The following ERBB4 variants were observed in gnomAD, a reference collection of about 807,000 sequenced individuals.
The protein encoded by ERBB4 is erb-b2 receptor tyrosine kinase 4, also known as receptor tyrosine-protein kinase erbB-4.
A neutral mutation model predicts 158.0 loss-of-function variants in ERBB4; 42 were observed. That is an observed-to-expected ratio of 0.27 (90% CI 0.21 to 0.34). The LOEUF is 0.34. ERBB4 is among the 10% of genes least tolerant of loss of function. The probability of loss-of-function intolerance (pLI) is 1.00; values close to 1 mark genes in which losing one functional copy is unlikely to be tolerated. For missense variants in ERBB4, 1,333 were observed against 1,624.1 expected, an observed-to-expected ratio of 0.82 and a Z score of 3.08; for synonymous variants, 583 against 558.7, an observed-to-expected ratio of 1.04 and a Z score of -0.61.
intron 20 of ERBB4, among the ~76,000 whole-genome samples, chr2:211,527,177 A>G (rs1312027382): frequency 6.6e-6 from 1 of 152,128 alleles, no homozygotes; most frequent in Non-Finnish European, 1.5e-5. Context: ...TTAAGGATAA[A>G]GAAATAATTC....
chr2:212,247,913 G>A (rs2084373175), intron 1 of ERBB4, among the ~76,000 whole-genome samples: 1 of 151,684 alleles, frequency 6.6e-6, no homozygotes, highest in African/African-American at 2.4e-5. Context: ...GCAGTGAGCC[G>A]AGATCACACC....
chr2:211,740,363 G>T (rs1319772102), intron 5 of ERBB4, among the ~76,000 whole-genome samples: 1 of 152,120 alleles, frequency 6.6e-6, no homozygotes, highest in African/African-American at 2.4e-5. Context: ...CATGGTAATG[G>T]AGAGATGCAG....
chr2:212,496,020 A>C (rs1486683704), intron 1 of ERBB4, among the ~76,000 whole-genome samples: 1 of 152,080 alleles, frequency 6.6e-6, no homozygotes, highest in Non-Finnish European at 1.5e-5. Flanking sequence ...TTTTTATCAA[A>C]TTTTCAAAGA....
chr2:212,009,641 A>G (rs1378084624), intron 2 of ERBB4, among the ~76,000 whole-genome samples: 1 of 152,206 alleles, frequency 6.6e-6, no homozygotes, highest in African/African-American at 2.4e-5. Flanking sequence ...GGAAGTTGAG[A>G]GTGAGAGAGT....
chr2:211,965,762 GC>G (rs1362227167), intron 2 of ERBB4, among the ~76,000 whole-genome samples: 1 of 152,006 alleles, frequency 6.6e-6, no homozygotes, highest in African/African-American at 2.4e-5. Flanking sequence ...AATTAAGAAG[GC>G]CATTGATTTC....
At chr2:211,776,463 C>T (rs1362904675) in intron 4 of ERBB4, among the ~76,000 whole-genome samples, 1 of 152,096 alleles carries the variant, frequency 6.6e-6, no homozygotes, top group Non-Finnish European at 1.5e-5. Flanking sequence ...TCCTTTTAAT[C>T]TGGGTGATCT....
At chr2:212,505,052 A>C (rs920738182) in intron 1 of ERBB4, among the ~76,000 whole-genome samples, 1 of 152,036 alleles carries the variant, frequency 6.6e-6, no homozygotes, top group African/African-American at 2.4e-5. Context: ...CAAATATACA[A>C]CTGTTTGTTT....
At chr2:211,552,584 C>T (rs1385182329) in intron 20 of ERBB4, among the ~76,000 whole-genome samples, 2 of 151,874 alleles carry the variant, frequency 1.3e-5, no homozygotes, top group African/African-American at 4.8e-5. Flanking sequence ...TGGAACCTTA[C>T]ATCTGAGTTT....
intron 2 of ERBB4, among the ~76,000 whole-genome samples, chr2:211,962,969 A>T (rs763429420): frequency 3.6e-4 from 55 of 152,168 alleles, no homozygotes; most frequent in Non-Finnish European, 6.6e-4. Context: ...TAATATCTGT[A>T]TATCTGTTAA....
intron 3 of ERBB4, among the ~76,000 whole-genome samples, chr2:211,935,001 C>G (rs570672587): frequency 6.8e-6 from 1 of 145,996 alleles, no homozygotes; most frequent in East Asian, 2.1e-4. Flanking sequence ...CCTGCTCATT[C>G]ACACATAGCA....
At chr2:212,354,661 C>A (rs1029553783) in intron 1 of ERBB4, among the ~76,000 whole-genome samples, 1 of 151,996 alleles carries the variant, frequency 6.6e-6, no homozygotes, top group African/African-American at 2.4e-5. Flanking sequence ...GTGAGGTGAG[C>A]TATTGTTCTT....
chr2:211,809,506 G>C (rs1211519797), intron 3 of ERBB4, among the ~76,000 whole-genome samples: 1 of 152,186 alleles, frequency 6.6e-6, no homozygotes, highest in Non-Finnish European at 1.5e-5. Flanking sequence ...TCTGATGGTA[G>C]TTTGTATTTC....
chr2:211,684,207 T>G (rs1016866512), intron 12 of ERBB4, among the ~76,000 whole-genome samples: 1 of 152,112 alleles, frequency 6.6e-6, no homozygotes, highest in African/African-American at 2.4e-5. Context: ...ATCCCAGCAT[T>G]TTGAGAGGCC....
In ERBB4 at chr2:211,679,160, T is replaced by G. The variant is rs759391678; in HGVS notation, c.1514A>C (p.His505Pro). 2 of 1,613,900 alleles carry G rather than the reference T, an allele frequency of 1.2e-6. No individual in the cohort carries two copies. Among genetic ancestry groups the G allele is most frequent in the East Asian group, 4.5e-5 (2 of 44,856 alleles). ...NCTAEGMVCNHLCSSDGCWGP... is the reference protein window; with the variant it reads ...NCTAEGMVCNPLCSSDGCWGP... ...CCAACAGCCATCACTGGAACACAGA[T>G]GGTTGCACACCATTCCTTCAGCAGC... The change falls in exon 13 of 28, where the codon CAT (histidine) becomes CCT (proline). Residue 505 changes from histidine to proline, a missense_variant. Around this residue, in one of 5 missense-constraint regions of ERBB4, gnomAD observed 245 missense variants for 247.5 expected, o/e 0.99. Coordinates refer to ENST00000342788, the MANE Select transcript of ERBB4 (RefSeq NM_005235.3).
chr2:211,486,606 C>A (rs2065209499), intron 20 of ERBB4, among the ~76,000 whole-genome samples: 1 of 151,548 alleles, frequency 6.6e-6, no homozygotes. Flanking sequence ...AGGTTCGGAG[C>A]CTTGGCTTTG....
chr2:212,027,754 T>A (rs2076807403), intron 2 of ERBB4, among the ~76,000 whole-genome samples: 1 of 152,122 alleles, frequency 6.6e-6, no homozygotes, highest in African/African-American at 2.4e-5. Context: ...TAGATTTCTA[T>A]AACTGACCTC....
chr2:212,281,108 T>C (rs1056354264), intron 1 of ERBB4, among the ~76,000 whole-genome samples: 1 of 151,750 alleles, frequency 6.6e-6, no homozygotes. Context: ...CCTTCTTTTT[T>C]TTTCTAAAAA....
chr2:211,516,207 C>T lies in ERBB4; in HGVS notation c.2487+45696G>A, dbSNP rs577916967. The stretch of plus-strand genomic sequence containing the variant: ...CTGGGATTACAAGCGTGAGCCACTG[C>T]GCCCGGCCAACATTTTAATATTTTC... On this transcript the variant is annotated intron_variant, in intron 20 of 27. Coordinates refer to ENST00000342788, the MANE Select transcript of ERBB4 (RefSeq NM_005235.3). Among the ~76,000 whole-genome samples, 7 of 151,874 alleles carry T rather than the reference C, an allele frequency of 4.6e-5. 1 individual carries two copies. Among genetic ancestry groups the T allele is most frequent in the East Asian group, 2.0e-4 (1 of 5,126 alleles).
At chr2:211,506,309 A>C (rs1415825882) in intron 20 of ERBB4, among the ~76,000 whole-genome samples, 1 of 152,128 alleles carries the variant, frequency 6.6e-6, no homozygotes, top group Non-Finnish European at 1.5e-5. Context: ...TCCAATAATA[A>C]TGGGGGACTT....
Sources: gnomAD v4.1 joint callset for allele counts (sites outside exome capture counted in the v4.1 genomes callset) on GRCh38, gnomAD v4.1.1 for gene constraint, gnomAD v4.1.1 regional missense constraint, MANE v1.5 for transcripts, NCBI Gene and HGNC (gene_info 2026-07-23, HGNC 2026-07-21) for gene names.